The following RAB6B variants were observed in gnomAD, a reference collection of about 807,000 sequenced individuals.
RAB6B encodes the protein ras-related protein Rab-6B.
In RAB6B, 7 loss-of-function variants were observed where a neutral mutation model predicts 31.2. That is an observed-to-expected ratio of 0.22 (90% CI 0.13 to 0.42). The LOEUF is 0.42. Ranked by LOEUF, RAB6B falls within the 10% of genes least tolerant of loss-of-function variation. RAB6B has a pLI of 1.00. For synonymous variants in RAB6B, 105 were observed against 104.9 expected, an observed-to-expected ratio of 1.00 and a Z score of -0.01; for missense variants, 149 against 280.6, an observed-to-expected ratio of 0.53 and a Z score of 3.35.
chr3:133,888,343 G>A lies in RAB6B; in HGVS notation c.70+7054C>T, dbSNP rs144589421. ...AAAAAGTGCCCTGTGTGGAGCCTCCGGCATAGTGGATGTTCAATAAATGCC... is the reference window on the plus strand; with the variant it reads ...AAAAAGTGCCCTGTGTGGAGCCTCCAGCATAGTGGATGTTCAATAAATGCC... On this transcript the variant is annotated intron_variant, in intron 1 of 7. Transcript: ENST00000285208. 3.4e-3 allele frequency among the ~76,000 whole-genome samples: 511 copies of A among 152,326 alleles called. 1 individual carries two copies. Among genetic ancestry groups the A allele is most frequent in the African/African-American group, 0.011 (467 of 41,570 alleles).
intron 1 of RAB6B, among the ~76,000 whole-genome samples, chr3:133,885,162 C>T (rs1936527001): frequency 6.7e-6 from 1 of 149,856 alleles, no homozygotes; most frequent in Admixed American, 6.6e-5. Context: ...GGGCTGCTCA[C>T]ACACCAATGA....
Position 133,895,521 on chromosome 3 carries a change from G to T in RAB6B, c.-55C>A. 1.3e-6 allele frequency: 2 copies of T among 1,583,148 alleles called. No homozygotes were observed. The highest frequency in any genetic ancestry group is 1.1e-5 in the South Asian group (1 of 89,570). ...GAGGAGGAAAAAGCGAAGGAGCAGG[G>T]AGGGGAGAGTAGGAGGGCGAGGGGA... is the stretch of plus-strand genomic sequence containing the variant. On this transcript the variant is annotated 5_prime_UTR_variant, in exon 1 of 8. Transcript: ENST00000285208.
At chr3:133,889,823 A>G (rs1210000309) in intron 1 of RAB6B, among the ~76,000 whole-genome samples, 1 of 152,222 alleles carries the variant, frequency 6.6e-6, no homozygotes, top group Non-Finnish European at 1.5e-5. Context: ...TGCAAAAGAC[A>G]GTAATTATTA....
intron 7 of RAB6B, among the ~76,000 whole-genome samples, chr3:133,829,844 T>C (rs1935629790): frequency 6.6e-6 from 1 of 152,222 alleles, no homozygotes; most frequent in Non-Finnish European, 1.5e-5. Flanking sequence ...CTAACAACCA[T>C]GCGGCCATGG....
At chr3:133,862,132 A>G (rs1576402283) in intron 2 of RAB6B, among the ~76,000 whole-genome samples, 1 of 73,564 alleles carries the variant, frequency 1.4e-5, no homozygotes, top group Non-Finnish European at 2.6e-5. Context: ...GCAATATTGA[A>G]AAAAAAAAAA....
intron 1 of RAB6B, among the ~76,000 whole-genome samples, chr3:133,886,032 A>T (rs913985997): frequency 6.6e-6 from 1 of 152,044 alleles, no homozygotes; most frequent in Non-Finnish European, 1.5e-5. Context: ...GCCTGCAGGG[A>T]GGTCCTCCAG....
rs956247179 is a variant in RAB6B at position 133,855,288 on chromosome 3, C to T, written c.129+9296G>A. On this transcript the variant is annotated intron_variant, in intron 2 of 7. Coordinates refer to ENST00000285208, the MANE Select transcript of RAB6B (RefSeq NM_016577.4). The stretch of plus-strand genomic sequence containing the variant: ...TATCCTTGCCAGAAGCGCAGTAATG[C>T]GCCCTGGGGGAGGGGATGTTGGCTC... 5.3e-5 allele frequency among the ~76,000 whole-genome samples: 8 copies of T among 152,240 alleles called. No individual in the cohort carries two copies. In the South Asian group the frequency reaches 6.2e-4, roughly 12 times the overall value.
intron 3 of RAB6B, 74 bp downstream of exon 3, chr3:133,841,536 C>T (rs1935829822): frequency 6.4e-7 from 1 of 1,569,154 alleles, no homozygotes; most frequent in Non-Finnish European, 8.7e-7. Flanking sequence ...TCAGTGGTGC[C>T]CAGCTAAGGG....
chr3:133,841,481 A>G (rs370707632), intron 3 of RAB6B, 91 bp from the exon 4 acceptor site: 2 of 1,535,490 alleles, frequency 1.3e-6, no homozygotes, highest in Non-Finnish European at 1.8e-6. Context: ...CGGGCTCTGC[A>G]ATGCTGGCAT....
At chr3:133,877,462 G>A (rs1367848750) in intron 1 of RAB6B, among the ~76,000 whole-genome samples, 3 of 152,198 alleles carry the variant, frequency 2.0e-5, no homozygotes, top group African/African-American at 7.2e-5. Flanking sequence ...AGAGTCCTCA[G>A]AAGGGCTGGG....
chr3:133,891,160 C>A (rs1056447720), intron 1 of RAB6B, among the ~76,000 whole-genome samples: 1 of 152,108 alleles, frequency 6.6e-6, no homozygotes, highest in Non-Finnish European at 1.5e-5. Context: ...AGGCTGCGGG[C>A]AGAGGAGTGA....
intron 2 of RAB6B, among the ~76,000 whole-genome samples, chr3:133,860,988 G>A (rs1293884086): frequency 6.6e-6 from 1 of 152,220 alleles, no homozygotes; most frequent in Non-Finnish European, 1.5e-5. Context: ...GGGCCCATGA[G>A]AGACCGGAGA....
intron 2 of RAB6B, among the ~76,000 whole-genome samples, chr3:133,860,047 G>A (rs1250992083): frequency 6.6e-6 from 1 of 152,176 alleles, no homozygotes; most frequent in Non-Finnish European, 1.5e-5. Context: ...AGCCTGCAGG[G>A]GCTATGCTGG....
intron 6 of RAB6B, among the ~76,000 whole-genome samples, chr3:133,836,506 G>A (rs1393414786): frequency 3.3e-5 from 5 of 152,122 alleles, no homozygotes; most frequent in Non-Finnish European, 1.5e-5. Context: ...AGCCACACAG[G>A]GTTCGAAACT....
chr3:133,883,511 A>G (rs1936497051), intron 1 of RAB6B, among the ~76,000 whole-genome samples: 1 of 152,130 alleles, frequency 6.6e-6, no homozygotes, highest in Admixed American at 6.5e-5. Context: ...TGCATGGCCA[A>G]CAAGCCCCCA....
intron 1 of RAB6B, among the ~76,000 whole-genome samples, chr3:133,874,800 ATT>A (rs34218354): frequency 3.2e-4 from 47 of 149,080 alleles, no homozygotes; most frequent in East Asian, 5.9e-4. Context: ...TTGTCTATTA[ATT>A]TTTTTTTTTT....
At chr3:133,836,104 C>T (rs1171805994) in intron 6 of RAB6B, among the ~76,000 whole-genome samples, 1 of 152,154 alleles carries the variant, frequency 6.6e-6, no homozygotes, top group African/African-American at 2.4e-5. Context: ...ACCCCAGAGC[C>T]CAGCCCCAGC....
chr3:133,879,736 T>C (rs1241035516), intron 1 of RAB6B, among the ~76,000 whole-genome samples: 1 of 152,238 alleles, frequency 6.6e-6, no homozygotes, highest in East Asian at 1.9e-4. Context: ...AGCTCACTTA[T>C]GTTCTGAATC....
chr3:133,838,089 G>T, intron 6 of RAB6B, 77 bp downstream of exon 6: 2 of 1,452,476 alleles, frequency 1.4e-6, no homozygotes, highest in Non-Finnish European at 1.9e-6. Flanking sequence ...GGGCAAGGCA[G>T]CTCTGAGCCT....
Sources: allele counts gnomAD v4.1 joint callset (sites outside exome capture counted in the v4.1 genomes callset), GRCh38; gene constraint gnomAD v4.1.1; transcripts MANE v1.5; gene names NCBI Gene and HGNC (gene_info 2026-07-23, HGNC 2026-07-21).